CNTNAP2: variants seen among roughly 807,000 people sequenced by gnomAD.
CNTNAP2 encodes the protein contactin-associated protein-like 2.
In CNTNAP2, 98 loss-of-function variants were observed where a neutral mutation model predicts 155.2. The observed-to-expected ratio is 0.63, with a 90% CI of 0.54 to 0.75. The LOEUF is 0.75. Ranked by LOEUF, CNTNAP2 falls within the 30% of genes least tolerant of loss-of-function variation. The probability of loss-of-function intolerance (pLI) is 0.00; values close to 1 mark genes in which losing one functional copy is unlikely to be tolerated. For synonymous variants in CNTNAP2, 651 were observed against 631.2 expected, an observed-to-expected ratio of 1.03 and a Z score of -0.47; for missense variants, 1,727 against 1,688.1, an observed-to-expected ratio of 1.02 and a Z score of -0.40.
At chr7:148,043,607 A>G (rs1424988098) in intron 15 of CNTNAP2, among the ~76,000 whole-genome samples, 4 of 152,118 alleles carry the variant, frequency 2.6e-5, no homozygotes, top group African/African-American at 9.7e-5. Context: ...TTTAATCTGA[A>G]CTTTTCTATT....
At chr7:147,232,314 C>T (rs1396479418) in intron 8 of CNTNAP2, among the ~76,000 whole-genome samples, 3 of 152,150 alleles carry the variant, frequency 2.0e-5, no homozygotes, top group African/African-American at 7.2e-5. Flanking sequence ...ACGGAAATGC[C>T]GTTTCACAGA....
chr7:148,159,441 C>G (rs1268409453), intron 17 of CNTNAP2, among the ~76,000 whole-genome samples: 4 of 152,120 alleles, frequency 2.6e-5, no homozygotes, highest in Non-Finnish European at 5.9e-5. Context: ...GTTTCTTACT[C>G]TCTTCCCTCT....
chr7:147,449,786 T>C (rs1248929215), intron 10 of CNTNAP2, among the ~76,000 whole-genome samples: 1 of 152,216 alleles, frequency 6.6e-6, no homozygotes, highest in South Asian at 2.1e-4. Flanking sequence ...ATGTTTCTTG[T>C]TTTTGATTCT....
intron 13 of CNTNAP2, among the ~76,000 whole-genome samples, chr7:147,811,422 C>T (rs112189836): frequency 9.9e-5 from 15 of 152,120 alleles, no homozygotes; most frequent in African/African-American, 3.6e-4. Context: ...TAAAGAAGAG[C>T]AGTTTCACAG....
intron 1 of CNTNAP2, among the ~76,000 whole-genome samples, chr7:146,577,210 CA>C (rs1295237328): frequency 4.6e-5 from 7 of 152,018 alleles, no homozygotes; most frequent in Non-Finnish European, 1.0e-4. Flanking sequence ...AAGATAAAAA[CA>C]AAAATATTGT....
chr7:146,119,552 A>G (rs773381643), intron 1 of CNTNAP2, among the ~76,000 whole-genome samples: 1 of 152,152 alleles, frequency 6.6e-6, no homozygotes, highest in Non-Finnish European at 1.5e-5. Flanking sequence ...GTAAATGTAG[A>G]TACACGGGAC....
chr7:146,170,475 CTTG>C (rs775420387), intron 1 of CNTNAP2, among the ~76,000 whole-genome samples: 16 of 151,660 alleles, frequency 1.1e-4, no homozygotes, highest in East Asian at 9.7e-4. Flanking sequence ...TTGATAAATA[CTTG>C]TTGTATTAAA....
chr7:147,629,581 C>G (rs1408198712), intron 12 of CNTNAP2, among the ~76,000 whole-genome samples: 1 of 151,740 alleles, frequency 6.6e-6, no homozygotes, highest in Non-Finnish European at 1.5e-5. Context: ...TGATAGCTTA[C>G]AAAACAAGTC....
intron 14 of CNTNAP2, among the ~76,000 whole-genome samples, chr7:147,942,089 C>T (rs190824590): frequency 1.3e-5 from 2 of 152,292 alleles, no homozygotes; most frequent in African/African-American, 4.8e-5. Flanking sequence ...CAAGACCTCA[C>T]TGCTATTTCT....
At chr7:147,484,652 G>T (rs1798480879) in intron 10 of CNTNAP2, among the ~76,000 whole-genome samples, 1 of 152,210 alleles carries the variant, frequency 6.6e-6, no homozygotes, top group South Asian at 2.1e-4. Context: ...AGAGCCAGGG[G>T]CTCCATGCCA....
chr7:147,986,813 C>T (rs1248023624), intron 15 of CNTNAP2, among the ~76,000 whole-genome samples: 5 of 151,854 alleles, frequency 3.3e-5, no homozygotes, highest in Non-Finnish European at 7.4e-5. Flanking sequence ...CCTACAGCCA[C>T]AGAAGTGAGG....
intron 2 of CNTNAP2, among the ~76,000 whole-genome samples, chr7:146,776,191 CCATAT>C (rs1373412874): frequency 2.0e-5 from 3 of 152,124 alleles, no homozygotes; most frequent in Admixed American, 6.6e-5. Flanking sequence ...AAAAGAAATA[CCATAT>C]AATTCTAGGT....
chr7:147,508,120 G>T (rs919132299), intron 11 of CNTNAP2, among the ~76,000 whole-genome samples: 1 of 152,044 alleles, frequency 6.6e-6, no homozygotes, highest in Non-Finnish European at 1.5e-5. Context: ...ATTTTGCTGG[G>T]CCCATTAAAT....
At position 148,419,247 on chromosome 7, in the gene CNTNAP2, T is replaced by C. The variant is rs1045548000; in HGVS notation, c.*3631T>C. 1 of 151,820 alleles carries C rather than the reference T, an allele frequency of 6.6e-6. No individual in the cohort carries two copies. The highest frequency in any genetic ancestry group is 2.1e-4 in the South Asian group (1 of 4,812). 9.4% of individuals were successfully genotyped at this position (151,820 alleles called of 1,614,324 possible). The stretch of plus-strand genomic sequence containing the variant: ...TTTTCACCACCCTGTTGAGCAATTT[T>C]CCCAAAAAAAGGGCAGCAATTATTA... On this transcript the variant is annotated 3_prime_UTR_variant, in exon 24 of 24. Coordinates refer to ENST00000361727, the MANE Select transcript of CNTNAP2 (RefSeq NM_014141.6).
intron 12 of CNTNAP2, among the ~76,000 whole-genome samples, chr7:147,610,652 C>A (rs777450352): frequency 1.3e-5 from 2 of 152,058 alleles, no homozygotes; most frequent in African/African-American, 4.8e-5. Context: ...GAGAGCTAGC[C>A]CAGGGGAGTT....
chr7:147,175,106 A>G (rs1421254691), intron 8 of CNTNAP2, among the ~76,000 whole-genome samples: 1 of 152,186 alleles, frequency 6.6e-6, no homozygotes, highest in Non-Finnish European at 1.5e-5. Context: ...ATGTAGGGAA[A>G]GGTAGATTAA....
chr7:147,117,677 C>T (rs142539467), intron 5 of CNTNAP2, among the ~76,000 whole-genome samples: 210 of 152,136 alleles, frequency 1.4e-3, no homozygotes, highest in African/African-American at 4.9e-3. Context: ...TTTGAGTGGT[C>T]CAAACATTCC....
intron 1 of CNTNAP2, among the ~76,000 whole-genome samples, chr7:146,213,160 G>C (rs1212056063): frequency 6.6e-6 from 1 of 152,122 alleles, no homozygotes; most frequent in Admixed American, 6.6e-5. Context: ...CAGCAGAGTT[G>C]TTTATGTGCA....
intron 3 of CNTNAP2, among the ~76,000 whole-genome samples, chr7:147,010,948 A>G (rs1394939649): frequency 2.6e-5 from 4 of 152,138 alleles, no homozygotes; most frequent in Non-Finnish European, 5.9e-5. Flanking sequence ...AGAAGCTGGC[A>G]TGTTATCAAA....
Sources: gnomAD v4.1 joint callset for allele counts (sites outside exome capture counted in the v4.1 genomes callset) on GRCh38, gnomAD v4.1.1 for gene constraint, MANE v1.5 for transcripts, NCBI Gene and HGNC (gene_info 2026-07-23, HGNC 2026-07-21) for gene names.